Variants in SPP2 observed in about 807,000 individuals in gnomAD.
The protein encoded by SPP2 is secreted phosphoprotein 24.
In SPP2, 34 loss-of-function variants were observed where a neutral mutation model predicts 28.8. The observed-to-expected ratio is 1.18, with a 90% CI of 0.90 to 1.57. The LOEUF (loss-of-function observed/expected upper bound fraction) is 1.57, where lower values mean the gene tolerates loss of function less well. Among genes scored for constraint, SPP2 ranks in the 40% most tolerant of loss-of-function variants. The probability of loss-of-function intolerance (pLI) is 0.00; values close to 1 mark genes in which losing one functional copy is unlikely to be tolerated. For synonymous variants in SPP2, 96 were observed against 89.4 expected (o/e 1.07, Z -0.42); for missense variants, 269 against 263.9 (o/e 1.02, Z -0.13).
At chr2:234,069,409 C>G (rs1318812573) in intron 6 of SPP2, among the ~76,000 whole-genome samples, 1 of 152,116 alleles carries the variant, frequency 6.6e-6, no homozygotes, top group African/African-American at 2.4e-5. Context: ...TGGACAAATG[C>G]CATTTGGGAC....
chr2:234,051,172 T>C, intron 2 of SPP2, 77 bp downstream of exon 2: 1 of 1,545,398 alleles, frequency 6.5e-7, no homozygotes, highest in African/African-American at 1.4e-5. Flanking sequence ...GATATACTTT[T>C]AAGAAATTTT....
intron 7 of SPP2, among the ~76,000 whole-genome samples, chr2:234,073,714 G>A (rs1457610251): frequency 6.6e-6 from 1 of 152,140 alleles, no homozygotes; most frequent in Non-Finnish European, 1.5e-5. Flanking sequence ...GTAGTGGCCA[G>A]AAGACCCTCA....
chr2:234,068,985 G>A (rs938852284), intron 6 of SPP2, among the ~76,000 whole-genome samples: 3 of 152,258 alleles, frequency 2.0e-5, no homozygotes, highest in African/African-American at 4.8e-5. Flanking sequence ...CAGATAAGAC[G>A]TTGACTGGGC....
Position 234,056,691 on chromosome 2 carries a change from G to A in SPP2, c.211-2145G>A, listed in dbSNP as rs28903993. ...GGGCCCCAAACAATGGACTTCAGTT[G>A]ATGGGAGAGATTTTTATTTTTTAAT... On this transcript the variant is annotated intron_variant, in intron 2 of 7. Coordinates refer to ENST00000168148, the MANE Select transcript of SPP2 (RefSeq NM_006944.3). 9.6e-3 allele frequency among the ~76,000 whole-genome samples: 1,454 copies of A among 152,250 alleles called. 20 individuals are homozygous for A. Among genetic ancestry groups the A allele is most frequent in the African/African-American group, 0.033 (1,359 of 41,542 alleles).
chr2:234,068,862 C>T (rs1314121728), intron 6 of SPP2, among the ~76,000 whole-genome samples: 2 of 152,112 alleles, frequency 1.3e-5, no homozygotes, highest in Non-Finnish European at 2.9e-5. Flanking sequence ...CAAATTACCC[C>T]AAAATGTGGC....
intron 6 of SPP2, 59 bp downstream of exon 6, chr2:234,067,333 G>A: frequency 5.4e-6 from 8 of 1,473,690 alleles, no homozygotes; most frequent in Non-Finnish European, 7.6e-6. Flanking sequence ...CTGGACTCCT[G>A]AGAAATCCTA....
intron 2 of SPP2, among the ~76,000 whole-genome samples, chr2:234,053,546 G>A (rs186560988): frequency 6.6e-6 from 1 of 151,510 alleles, no homozygotes; most frequent in Non-Finnish European, 1.5e-5. Context: ...GTCTCTGAGG[G>A]CGGGACTCAT....
At chr2:234,071,504 G>T (rs1690781322) in intron 7 of SPP2, among the ~76,000 whole-genome samples, 2 of 152,216 alleles carry the variant, frequency 1.3e-5, no homozygotes, top group South Asian at 4.1e-4. Flanking sequence ...AGCAAATGTA[G>T]CTATCATGAA....
At chr2:234,068,925 A>G (rs116310052) in intron 6 of SPP2, among the ~76,000 whole-genome samples, 17 of 152,298 alleles carry the variant, frequency 1.1e-4, no homozygotes, top group African/African-American at 3.6e-4. Context: ...GTCAAAGACC[A>G]AGGAGAAACT....
At chr2:234,069,486 A>T (rs1247657017) in intron 6 of SPP2, among the ~76,000 whole-genome samples, 1 of 152,188 alleles carries the variant, frequency 6.6e-6, no homozygotes, top group East Asian at 1.9e-4. Context: ...GAAATTTCTA[A>T]GCCAAAATCT....
intron 2 of SPP2, among the ~76,000 whole-genome samples, chr2:234,054,231 T>A (rs1257520630): frequency 2.0e-5 from 3 of 152,112 alleles, no homozygotes; most frequent in Non-Finnish European, 4.4e-5. Context: ...TAGAGCCAAG[T>A]GAGCCTGGGA....
chr2:234,061,243 C>G (rs1693713931), intron 4 of SPP2, among the ~76,000 whole-genome samples: 1 of 152,134 alleles, frequency 6.6e-6, no homozygotes, highest in Non-Finnish European at 1.5e-5. Flanking sequence ...GCTTTCCATA[C>G]TAGACTGTAT....
intron 2 of SPP2, among the ~76,000 whole-genome samples, chr2:234,053,450 T>A (rs1161088807): frequency 5.9e-5 from 9 of 152,084 alleles, no homozygotes; most frequent in African/African-American, 2.2e-4. Flanking sequence ...GTGCAGTGAT[T>A]CTCTACTCAG....
At chr2:234,053,004 G>A (rs1693530421) in intron 2 of SPP2, among the ~76,000 whole-genome samples, 1 of 152,196 alleles carries the variant, frequency 6.6e-6, no homozygotes, top group African/African-American at 2.4e-5. Context: ...TCAGGAGAGA[G>A]TTGAGTGAAT....
chr2:234,070,116 A>G (rs1693905570), intron 7 of SPP2, 93 bp downstream of exon 7: 2 of 975,776 alleles, frequency 2.0e-6, no homozygotes, highest in Non-Finnish European at 3.2e-6. Flanking sequence ...TATCTGCAAT[A>G]TGCTATTCAA....
chr2:234,060,559 G>T, intron 4 of SPP2, 80 bp downstream of exon 4: 1 of 1,150,894 alleles, frequency 8.7e-7, no homozygotes, highest in Admixed American at 2.3e-5. Flanking sequence ...GTGGTTTGCT[G>T]GGTAGCTGGA....
intron 7 of SPP2, among the ~76,000 whole-genome samples, chr2:234,072,662 G>C (rs547274790): frequency 6.6e-6 from 1 of 152,262 alleles, no homozygotes; most frequent in South Asian, 2.1e-4. Context: ...TAGCAGGGCA[G>C]GTTTCTACAC....
intron 4 of SPP2, 34 bp downstream of exon 4, chr2:234,060,513 AC>A: frequency 6.5e-7 from 1 of 1,542,892 alleles, no homozygotes; most frequent in African/African-American, 1.4e-5. Flanking sequence ...CCCAGACCGC[AC>A]CTCTTAGGGT....
In SPP2 at chr2:234,055,855, CTTTT is replaced by C. The variant is rs57524937; in HGVS notation, c.211-2972_211-2969del. Among the ~76,000 whole-genome samples, 882 of 144,670 alleles carry C rather than the reference CTTTT, an allele frequency of 6.1e-3. 58 individuals are homozygous for C. The East Asian group carries it at 0.15, about 25-fold the overall frequency. 94.9% of individuals were successfully genotyped at this position (144,670 alleles called of 152,430 possible). A position where few individuals can be genotyped will look rare whatever the true frequency, so the allele number is the denominator to read the frequency against. The stretch of plus-strand genomic sequence containing the variant: ...GTTTTTAATTTTCTCCAGTTGACTT[CTTTT>C]TTTTTTTTGGAAATGAATTATTTTA... On this transcript the variant is annotated intron_variant, in intron 2 of 7. Coordinates refer to ENST00000168148, the MANE Select transcript of SPP2 (RefSeq NM_006944.3).
Sources: allele counts gnomAD v4.1 joint callset (sites outside exome capture counted in the v4.1 genomes callset), GRCh38; gene constraint gnomAD v4.1.1; transcripts MANE v1.5; gene names NCBI Gene and HGNC (gene_info 2026-07-23, HGNC 2026-07-21).